GNB1: variants seen among roughly 807,000 people sequenced by gnomAD.
The protein encoded by GNB1 is G protein subunit beta 1, also known as guanine nucleotide-binding protein G(I)/G(S)/G(T) subunit beta-1.
In GNB1, 2 loss-of-function variants were observed where a neutral mutation model predicts 42.9. That is an observed-to-expected ratio of 0.05 (90% CI 0.02 to 0.15). GNB1 has a LOEUF of 0.15. GNB1 is among the 10% of genes least tolerant of loss of function. The pLI, the probability that GNB1 is intolerant of heterozygous loss-of-function variation, is 1.00. For synonymous variants in GNB1, 183 were observed against 174.7 expected, an observed-to-expected ratio of 1.05 and a Z score of -0.38; for missense variants, 193 against 462.2, an observed-to-expected ratio of 0.42 and a Z score of 5.34.
intron 7 of GNB1, among the ~76,000 whole-genome samples, chr1:1,801,288 A>G (rs1424769562): frequency 1.3e-5 from 2 of 152,206 alleles, no homozygotes; most frequent in Non-Finnish European, 2.9e-5. Context: ...TCGGCCTCCC[A>G]AAGTGCTGGG....
intron 1 of GNB1, among the ~76,000 whole-genome samples, chr1:1,880,491 A>G (rs2101878421): frequency 6.6e-6 from 1 of 152,064 alleles, no homozygotes; most frequent in African/African-American, 2.4e-5. Context: ...GGAGAGGCCG[A>G]GGCAGAATTG....
At chr1:1,861,056 C>T (rs111300901) in intron 1 of GNB1, among the ~76,000 whole-genome samples, 2,342 of 144,906 alleles carry the variant, frequency 0.016, 64 homozygotes, top group African/African-American at 0.056. Context: ...TGCAGTAAGC[C>T]GAGATGCTGC....
chr1:1,857,635 A>C (rs1648379696), intron 1 of GNB1, among the ~76,000 whole-genome samples: 1 of 152,132 alleles, frequency 6.6e-6, no homozygotes, highest in Non-Finnish European at 1.5e-5. Context: ...CGATATCTTT[A>C]ACATGGGAAC....
chr1:1,855,087 A>T (rs1437374936), intron 1 of GNB1, among the ~76,000 whole-genome samples: 1 of 151,644 alleles, frequency 6.6e-6, no homozygotes, highest in Non-Finnish European at 1.5e-5. Context: ...TGAACCCTGG[A>T]GGCAAAGGTT....
intron 1 of GNB1, among the ~76,000 whole-genome samples, chr1:1,855,136 G>A (rs1015670786): frequency 6.9e-6 from 1 of 145,228 alleles, no homozygotes; most frequent in Admixed American, 7.3e-5. Flanking sequence ...TCCAGCCTGG[G>A]CAACAGAGCA....
chr1:1,888,729 T>C (rs1044044693), intron 1 of GNB1, among the ~76,000 whole-genome samples: 6 of 152,084 alleles, frequency 3.9e-5, no homozygotes, highest in Non-Finnish European at 7.4e-5. Flanking sequence ...TCCCAGCTAC[T>C]CGGGAGGCTG....
At chr1:1,846,685 G>T (rs902901869) in intron 1 of GNB1, among the ~76,000 whole-genome samples, 11 of 152,130 alleles carry the variant, frequency 7.2e-5, no homozygotes, top group African/African-American at 2.4e-4. Flanking sequence ...AGCCCCCTAA[G>T]TAGCAAGGAT....
At chr1:1,884,545 C>T (rs1219478436) in intron 1 of GNB1, among the ~76,000 whole-genome samples, 1 of 151,968 alleles carries the variant, frequency 6.6e-6, no homozygotes, top group Non-Finnish European at 1.5e-5. Context: ...CTACAACACT[C>T]GGCAGAAGTT....
At chr1:1,788,823 T>TCTCCCCAGAGCC in intron 10 of GNB1, 2 of 493,984 alleles carry the variant, frequency 4.0e-6, no homozygotes, top group Non-Finnish European at 7.4e-6. Context: ...GCCCACTGAC[T>TCTCCCCAGAGCC]CTCCCCAGAG....
chr1:1,853,399 G>C (rs1648094347), intron 1 of GNB1, among the ~76,000 whole-genome samples: 1 of 152,124 alleles, frequency 6.6e-6, no homozygotes, highest in African/African-American at 2.4e-5. Context: ...CCTAGAAAGG[G>C]CCAAACACAT....
At chr1:1,877,532 C>T (rs1275196296) in intron 1 of GNB1, among the ~76,000 whole-genome samples, 1 of 151,958 alleles carries the variant, frequency 6.6e-6, no homozygotes, top group Admixed American at 6.6e-5. Context: ...GAGACAGGGT[C>T]TAGCTGTGTT....
rs527763877 is a variant in GNB1, at chr1:1,815,380, G to A, written c.203+376C>T. 3.9e-5 allele frequency among the ~76,000 whole-genome samples: 6 copies of A among 152,308 alleles called. No homozygotes were observed. In the East Asian group the frequency reaches 5.8e-4, roughly 15 times the overall value. The stretch of plus-strand genomic sequence containing the variant: ...CAGGGCACTGACATCACAAGAGGGC[G>A]AGGGCCAACCAGCCCTGAGAAACAG... On this transcript the variant is annotated intron_variant, in intron 5 of 11. Transcript: ENST00000378609.
intron 2 of GNB1, among the ~76,000 whole-genome samples, chr1:1,830,243 A>G (rs956794961): frequency 1.3e-5 from 2 of 151,812 alleles, no homozygotes; most frequent in Non-Finnish European, 2.9e-5. Flanking sequence ...TATACTTTTC[A>G]GTTTCAATAA....
intron 1 of GNB1, among the ~76,000 whole-genome samples, chr1:1,873,968 G>T (rs771544915): frequency 1.3e-5 from 2 of 152,164 alleles, no homozygotes; most frequent in Non-Finnish European, 2.9e-5. Flanking sequence ...CTGCCTCTAG[G>T]GGACTCAGCA....
intron 1 of GNB1, among the ~76,000 whole-genome samples, chr1:1,853,888 T>C (rs1308354421): frequency 6.6e-6 from 1 of 152,132 alleles, no homozygotes; most frequent in Non-Finnish European, 1.5e-5. Flanking sequence ...ATAGTCATAT[T>C]ATATAACAAC....
chr1:1,860,041 G>C (rs1167507658), intron 1 of GNB1, among the ~76,000 whole-genome samples: 1 of 151,794 alleles, frequency 6.6e-6, no homozygotes, highest in Non-Finnish European at 1.5e-5. Flanking sequence ...ATGTACCCTA[G>C]AACTTAAAGT....
Position 1,789,283 on chromosome 1 carries a change from G to A in GNB1, c.700-14C>T, listed in dbSNP as rs1303117508. The A allele has an allele frequency of 6.8e-7, 1 of 1,471,460 alleles. No individual in the cohort carries two copies. The highest frequency in any genetic ancestry group is 1.7e-5 in the Admixed American group (1 of 59,688). 91.2% of individuals were successfully genotyped at this position (1,471,460 alleles called of 1,614,324 possible). On this transcript the variant is annotated splice_polypyrimidine_tract_variant and intron_variant, in intron 9 of 11. Coordinates refer to ENST00000378609, the MANE Select transcript of GNB1 (RefSeq NM_002074.5). ...ATTTGGAAAGAACTGGAAAGAGAAA[G>A]CAAATCAAGACATCATGTAAACGCT... is the stretch of plus-strand genomic sequence containing the variant.
intron 3 of GNB1, chr1:1,818,169 C>A: frequency 3.7e-6 from 1 of 270,312 alleles, no homozygotes; most frequent in Non-Finnish European, 7.6e-6. Flanking sequence ...ACACTGCAAG[C>A]TGGGGCAGCA....
At chr1:1,824,291 A>C (rs1247589077) in intron 3 of GNB1, among the ~76,000 whole-genome samples, 2 of 152,222 alleles carry the variant, frequency 1.3e-5, no homozygotes, top group Non-Finnish European at 2.9e-5. Context: ...GCTTCACAAA[A>C]GTAGGAGCAG....
Sources: allele counts gnomAD v4.1 joint callset (sites outside exome capture counted in the v4.1 genomes callset), GRCh38; gene constraint gnomAD v4.1.1; transcripts MANE v1.5; gene names NCBI Gene and HGNC (gene_info 2026-07-23, HGNC 2026-07-21).